TENM4: variants seen among roughly 807,000 people sequenced by gnomAD.
TENM4 encodes the protein teneurin transmembrane protein 4.
A neutral mutation model predicts 243.3 loss-of-function variants in TENM4; 82 were observed. The ratio of observed to expected loss-of-function variants is 0.34; its 90% CI spans 0.28 to 0.40. The LOEUF (loss-of-function observed/expected upper bound fraction) is 0.40, where lower values mean the gene tolerates loss of function less well. Among genes scored for constraint, TENM4 ranks in the 10% least tolerant of loss-of-function variants. The probability of loss-of-function intolerance (pLI) is 1.00; values close to 1 mark genes in which losing one functional copy is unlikely to be tolerated. For synonymous variants in TENM4, 1,412 were observed against 1,456.3 expected (o/e 0.97, Z 0.69); for missense variants, 3,138 against 3,673.3 (o/e 0.85, Z 3.77).
chr11:78,990,077 A>G (rs1858005976), intron 6 of TENM4, among the ~76,000 whole-genome samples: 1 of 151,856 alleles, frequency 6.6e-6, no homozygotes, highest in Admixed American at 6.6e-5. Context: ...AAAAAAAAAA[A>G]AGATGATTTG....
At chr11:78,814,458 G>T in intron 12 of TENM4, 63 bp from the exon 13 acceptor site, 2 of 1,436,074 alleles carry the variant, frequency 1.4e-6, no homozygotes, top group South Asian at 2.5e-5. Flanking sequence ...GAGAGCCCAG[G>T]AATCAAGCTT....
Position 79,243,305 on chromosome 11 carries a change from A to T in TENM4, c.-264-27396T>A, listed in dbSNP as rs544585227. Among the ~76,000 whole-genome samples the T allele has an allele frequency of 3.9e-4, 59 of 152,204 alleles. 1 individual carries two copies. In the South Asian group the frequency reaches 0.012, roughly 32 times the overall value. ...CCTTTTGTGAGGCACCACGGTGTGC[A>T]TGGGCTGTCTTGTCGTTGTACTCGG... On this transcript the variant is annotated intron_variant, in intron 2 of 33. Coordinates refer to ENST00000278550, the MANE Select transcript of TENM4 (RefSeq NM_001098816.3).
At chr11:78,726,269 C>A in intron 22 of TENM4, 47 bp from the exon 23 acceptor site, 1 of 1,598,156 alleles carries the variant, frequency 6.3e-7, no homozygotes, top group Non-Finnish European at 8.5e-7. Context: ...GCAAAGCCCA[C>A]TCTTTGGCCT....
At chr11:79,161,978 A>C (rs370121316) in intron 3 of TENM4, among the ~76,000 whole-genome samples, 30 of 152,330 alleles carry the variant, frequency 2.0e-4, no homozygotes, top group African/African-American at 6.7e-4. Context: ...AATCTGAGTG[A>C]CAATGATTGG....
In TENM4 at chr11:79,334,555, C is replaced by T. The variant is rs573695869; in HGVS notation, c.-320-37012G>A. On this transcript the variant is annotated intron_variant, in intron 1 of 33. Coordinates refer to ENST00000278550, the MANE Select transcript of TENM4 (RefSeq NM_001098816.3). ...AAAATCCCATTCTCACTTCATGCTGCTAGAGGCTCCTCACAGCTGACAGGG... is the reference window on the plus strand; with the variant it reads ...AAAATCCCATTCTCACTTCATGCTGTTAGAGGCTCCTCACAGCTGACAGGG... Among the ~76,000 whole-genome samples the T allele has an allele frequency of 3.9e-5, 6 of 152,308 alleles. No homozygotes were observed. In the South Asian group the frequency reaches 1.0e-3, roughly 26 times the overall value.
At chr11:78,713,208 C>G (rs1011052277) in intron 25 of TENM4, among the ~76,000 whole-genome samples, 2 of 152,172 alleles carry the variant, frequency 1.3e-5, no homozygotes, top group Admixed American at 6.5e-5. Context: ...TGGATGAAAC[C>G]CTGGCTGGCT....
chr11:79,176,828 C>G (rs559524994), intron 3 of TENM4, among the ~76,000 whole-genome samples: 3 of 152,260 alleles, frequency 2.0e-5, no homozygotes, highest in African/African-American at 7.2e-5. Context: ...AGAGAAAGCA[C>G]AGACCAAAGA....
chr11:79,002,574 C>G (rs374397226), intron 6 of TENM4, among the ~76,000 whole-genome samples: 1 of 152,266 alleles, frequency 6.6e-6, no homozygotes, highest in African/African-American at 2.4e-5. Context: ...AGAAACAAGG[C>G]TAGTTGAGTG....
intron 1 of TENM4, among the ~76,000 whole-genome samples, chr11:79,365,149 A>T (rs894610466): frequency 2.0e-5 from 3 of 152,332 alleles, no homozygotes; most frequent in African/African-American, 7.2e-5. Context: ...AACTCCTGGC[A>T]CTAAAAATTG....
intron 5 of TENM4, among the ~76,000 whole-genome samples, chr11:79,065,905 G>A (rs964533196): frequency 2.0e-5 from 3 of 152,232 alleles, no homozygotes; most frequent in African/African-American, 7.2e-5. Flanking sequence ...TTCAGGGACA[G>A]CTTCTCCTGT....
chr11:79,384,833 G>A (rs1858075615), intron 1 of TENM4, among the ~76,000 whole-genome samples: 1 of 151,954 alleles, frequency 6.6e-6, no homozygotes, highest in African/African-American at 2.4e-5. Flanking sequence ...GGCTAAGGCA[G>A]GAGAATCTCT....
At chr11:79,194,632 T>C (rs1275053980) in intron 3 of TENM4, among the ~76,000 whole-genome samples, 1 of 152,136 alleles carries the variant, frequency 6.6e-6, no homozygotes, top group East Asian at 1.9e-4. Flanking sequence ...TTGAGAGAGA[T>C]GATTTAGGGT....
chr11:79,158,869 A>G (rs1480400935), intron 3 of TENM4, among the ~76,000 whole-genome samples: 2 of 152,152 alleles, frequency 1.3e-5, no homozygotes, highest in African/African-American at 4.8e-5. Context: ...GCATGGGTCT[A>G]CAGCTGGAGA....
chr11:78,816,256 C>T (rs1857603316), intron 12 of TENM4, among the ~76,000 whole-genome samples: 1 of 152,242 alleles, frequency 6.6e-6, no homozygotes, highest in African/African-American at 2.4e-5. Flanking sequence ...ATGGAGATAC[C>T]TAGGTAGAAA....
chr11:79,351,487 C>T (rs1189729282), intron 1 of TENM4, among the ~76,000 whole-genome samples: 2 of 152,134 alleles, frequency 1.3e-5, no homozygotes, highest in Non-Finnish European at 2.9e-5. Flanking sequence ...GGGCAGATCA[C>T]TTGAGATCAG....
At chr11:78,935,968 GC>G (rs1856774300) in intron 6 of TENM4, among the ~76,000 whole-genome samples, 4 of 152,158 alleles carry the variant, frequency 2.6e-5, no homozygotes, top group Admixed American at 2.6e-4. Context: ...ATCTGTAAGG[GC>G]CCTCTGAGTG....
chr11:78,807,673 G>A (rs777397202), intron 14 of TENM4, among the ~76,000 whole-genome samples: 4 of 152,104 alleles, frequency 2.6e-5, no homozygotes, highest in Non-Finnish European at 4.4e-5. Context: ...GTTAGGGGAC[G>A]GTGGTATCCT....
chr11:79,089,867 C>T (rs1322622571), intron 4 of TENM4, among the ~76,000 whole-genome samples: 1 of 152,142 alleles, frequency 6.6e-6, no homozygotes, highest in Non-Finnish European at 1.5e-5. Context: ...TTTATAGAAA[C>T]TGAGAATCAC....
intron 6 of TENM4, among the ~76,000 whole-genome samples, chr11:79,010,314 G>A (rs1012001859): frequency 1.3e-5 from 2 of 152,156 alleles, no homozygotes; most frequent in African/African-American, 4.8e-5. Flanking sequence ...GAGAAGGGCT[G>A]TGAAGGGGGC....
Sources: allele counts gnomAD v4.1 joint callset (sites outside exome capture counted in the v4.1 genomes callset), GRCh38; gene constraint gnomAD v4.1.1; transcripts MANE v1.5; gene names NCBI Gene and HGNC (gene_info 2026-07-23, HGNC 2026-07-21).